CACNG7: variants seen among roughly 807,000 people sequenced by gnomAD.
The protein encoded by CACNG7 is calcium voltage-gated channel auxiliary subunit gamma 7, also known as voltage-dependent calcium channel gamma-7 subunit.
In CACNG7, 9 loss-of-function variants were observed where a neutral mutation model predicts 26.3. The ratio of observed to expected loss-of-function variants is 0.34; its 90% CI spans 0.21 to 0.60. The LOEUF (loss-of-function observed/expected upper bound fraction) is 0.60, where lower values mean the gene tolerates loss of function less well. Among genes scored for constraint, CACNG7 ranks in the 20% least tolerant of loss-of-function variants. The probability of loss-of-function intolerance (pLI) is 0.81; values close to 1 mark genes in which losing one functional copy is unlikely to be tolerated. For synonymous variants in CACNG7, 170 were observed against 157.0 expected, an observed-to-expected ratio of 1.08 and a Z score of -0.62; for missense variants, 297 against 380.4, an observed-to-expected ratio of 0.78 and a Z score of 1.82.
At chr19:53,941,808 G>C (rs2069139118) in intron 5 of CACNG7, 193 bp downstream of exon 5, 3 of 879,706 alleles carry the variant, frequency 3.4e-6, no homozygotes, top group South Asian at 1.9e-5. Context: ...GATCCTGGGG[G>C]AGGAGGGGTC....
At chr19:53,922,224 T>C (rs1211201198) in intron 4 of CACNG7, among the ~76,000 whole-genome samples, 1 of 93,412 alleles carries the variant, frequency 1.1e-5, no homozygotes, top group African/African-American at 4.8e-5. Flanking sequence ...ATTGGTGGAG[T>C]TGTCCCCAGG....
intron 4 of CACNG7, among the ~76,000 whole-genome samples, chr19:53,927,478 C>G (rs2069039811): frequency 6.6e-6 from 1 of 152,068 alleles, no homozygotes; most frequent in Admixed American, 6.6e-5. Flanking sequence ...GGGAAATTTT[C>G]AAGTCCAGAA....
In CACNG7 at chr19:53,909,372, G is replaced by A. The variant is rs2068847808; in HGVS notation, c.-175G>A. On this transcript the variant is annotated 5_prime_UTR_variant, in exon 1 of 6. Coordinates refer to ENST00000391767, the MANE Select transcript of CACNG7 (RefSeq NM_031896.5). The surrounding 1 kb of genome is among the most constrained non-coding windows in gnomAD (Gnocchi z 5.1). ...GGTGGGGGGTGGGAGGCCGGGAGGG[G>A]GCCGGGACGCCGGGCTCCGGGGCGG... 6.7e-6 allele frequency: 1 copy of A among 149,504 alleles called. No homozygotes were observed. Among genetic ancestry groups the A allele is most frequent in the African/African-American group, 2.4e-5 (1 of 41,080 alleles). The allele number at this position is 149,504 out of a possible 1,614,324, so 9.3% of individuals were successfully genotyped here. A position where few individuals can be genotyped will look rare whatever the true frequency, so the allele number is the denominator to read the frequency against.
intron 4 of CACNG7, among the ~76,000 whole-genome samples, chr19:53,932,223 C>T (rs1288565017): frequency 7.1e-6 from 1 of 140,320 alleles, no homozygotes; most frequent in African/African-American, 2.7e-5. Flanking sequence ...CACTGCACTC[C>T]AGCCTGGGCA....
In CACNG7 at chr19:53,912,974, C is replaced by G; in HGVS notation, c.143C>G (p.Thr48Ser). 1 of 1,613,954 alleles carries G rather than the reference C, an allele frequency of 6.2e-7. No individual in the cohort carries two copies. The highest frequency in any genetic ancestry group is 2.2e-5 in the East Asian group (1 of 44,848). The stretch of plus-strand genomic sequence containing the variant: ...ACAGTGCTACCGCAGAACCAGACCA[C>G]CGAGGTCAAGATGGCCCTGCACGCC... ...EGTVLPQNQT[T>S]EVKMALHAGL... Residue 48 changes from threonine (T) to serine (S), a missense_variant, in exon 2 of 6, where the codon ACC becomes AGC. Transcript: ENST00000391767. The surrounding 1 kb of genome is among the most constrained non-coding windows in gnomAD (Gnocchi z 4.6).
chr19:53,914,717 A>C, intron 3 of CACNG7, 131 bp downstream of exon 3: 5 of 767,992 alleles, frequency 6.5e-6, no homozygotes, highest in Non-Finnish European at 6.7e-6. Context: ...AGAAGGCAGA[A>C]TGGGCCAGGC....
intron 4 of CACNG7, among the ~76,000 whole-genome samples, chr19:53,923,610 CT>C (rs1467377800): frequency 1.7e-4 from 23 of 131,876 alleles, no homozygotes; most frequent in African/African-American, 6.3e-4. Context: ...TGCCCCAGGT[CT>C]GGTCATTGGT....
At chr19:53,910,003 T>C (rs8111756) in intron 1 of CACNG7, among the ~76,000 whole-genome samples, 29,417 of 151,878 alleles carry the variant, frequency 0.19, 7,906 homozygotes, top group African/African-American at 0.6. Flanking sequence ...AGAGGAGGCT[T>C]CAGGCCTGGG....
intron 4 of CACNG7, among the ~76,000 whole-genome samples, chr19:53,928,117 G>A (rs998162842): frequency 2.6e-5 from 4 of 152,008 alleles, no homozygotes; most frequent in African/African-American, 9.7e-5. Context: ...TGGAGAACCA[G>A]GGCTAATGCA....
At chr19:53,923,683 T>C (rs371545295) in intron 4 of CACNG7, among the ~76,000 whole-genome samples, 33 of 112,840 alleles carry the variant, frequency 2.9e-4, no homozygotes, top group South Asian at 9.8e-4. Context: ...GGTGGAGTTG[T>C]CCCAGGCCTG....
In CACNG7 at chr19:53,939,609, G is replaced by A. The variant is rs760029099; in HGVS notation, c.425-1861G>A. Among the ~76,000 whole-genome samples the A allele has an allele frequency of 2.6e-5, 4 of 152,024 alleles. No homozygotes were observed. Among genetic ancestry groups the A allele is most frequent in the African/African-American group, 7.3e-5 (3 of 41,368 alleles). Reference sequence around the variant, plus strand: ...CTATGGTAGCATGAATCAGTATATCGTTCCCTTTTTTGGCTGAATAGTATT... The same window carrying A: ...CTATGGTAGCATGAATCAGTATATCATTCCCTTTTTTGGCTGAATAGTATT... On this transcript the variant is annotated intron_variant, in intron 4 of 5. Coordinates refer to ENST00000391767, the MANE Select transcript of CACNG7 (RefSeq NM_031896.5). This position sits in a 1 kb window ranked among gnomAD's most constrained non-coding sequence, Gnocchi z 4.2.
At chr19:53,923,821 C>T (rs2068991965) in intron 4 of CACNG7, among the ~76,000 whole-genome samples, 5 of 116,502 alleles carry the variant, frequency 4.3e-5, no homozygotes, top group Admixed American at 7.8e-5. Context: ...GGAGTTGCCC[C>T]AGGTCTGGTC....
rs751982783 is a variant in CACNG7 at position 53,941,550 on chromosome 19, C to G, written c.505C>G (p.Gln169Glu). 3 of 1,608,816 alleles carry G rather than the reference C, an allele frequency of 1.9e-6. No homozygotes were observed. Among genetic ancestry groups the G allele is most frequent in the Non-Finnish European group, 2.5e-6 (3 of 1,178,434 alleles). ...EVMNRPSSSE[Q>E]YFHYRYGWSF... is the part of the protein sequence containing the mutation. ...CATGAACAGGCCCAGCAGCTCTGAG[C>G]AGTATTTTCATTATCGCTACGGGTG... is the stretch of plus-strand genomic sequence containing the variant. The change falls in exon 5 of 6, where the codon CAG (glutamine) becomes GAG (glutamate). Residue 169 changes from glutamine (Q) to glutamate (E), a missense_variant. Transcript: ENST00000391767.
chr19:53,941,981 G>A, intron 5 of CACNG7, 55 bp from the exon 6 acceptor site: 2 of 1,511,472 alleles, frequency 1.3e-6, no homozygotes, highest in Middle Eastern at 2.3e-4. Flanking sequence ...GATGAGTCGG[G>A]GTCCGGGGAT....
chr19:53,918,088 G>A (rs2068910154), intron 4 of CACNG7, among the ~76,000 whole-genome samples: 1 of 152,202 alleles, frequency 6.6e-6, no homozygotes, highest in South Asian at 2.1e-4. Flanking sequence ...AGGTATCCAG[G>A]CATGTGCTGC....
chr19:53,927,065 A>G (rs2069036504), intron 4 of CACNG7, among the ~76,000 whole-genome samples: 2 of 151,812 alleles, frequency 1.3e-5, no homozygotes, highest in Non-Finnish European at 2.9e-5. Flanking sequence ...GATTACAGGC[A>G]CCTGCCACCA....
chr19:53,925,661 A>C (rs964723133), intron 4 of CACNG7, among the ~76,000 whole-genome samples: 14 of 152,110 alleles, frequency 9.2e-5, no homozygotes, highest in African/African-American at 3.1e-4. Context: ...AAACCAGTGG[A>C]AGGGCTCAGG....
chr19:53,941,313 TG>T (rs2069135903), intron 4 of CACNG7, among the ~76,000 whole-genome samples, 156 bp from the exon 5 acceptor site: 2 of 152,058 alleles, frequency 1.3e-5, no homozygotes, highest in African/African-American at 4.8e-5. Context: ...GATTCATCTC[TG>T]GGCTCCCTGC....
At chr19:53,910,711 C>T (rs1465713564) in intron 1 of CACNG7, among the ~76,000 whole-genome samples, 2 of 151,970 alleles carry the variant, frequency 1.3e-5, no homozygotes, top group African/African-American at 4.8e-5. Flanking sequence ...ATTTCAAGTC[C>T]TTGAGATCTG....
Sources: gnomAD v4.1 joint callset for allele counts (sites outside exome capture counted in the v4.1 genomes callset) on GRCh38, gnomAD v4.1.1 for gene constraint, Gnocchi (gnomAD v3.1) non-coding constraint, MANE v1.5 for transcripts, NCBI Gene and HGNC (gene_info 2026-07-23, HGNC 2026-07-21) for gene names.